ALDH5A1: variants seen among roughly 807,000 people sequenced by gnomAD.
ALDH5A1 encodes aldehyde dehydrogenase 5 family member A1, also known as succinate-semialdehyde dehydrogenase, mitochondrial.
ALDH5A1 carries 33 observed loss-of-function variants against 54.7 expected under a neutral mutation model. That is an observed-to-expected ratio of 0.60 (90% CI 0.46 to 0.81). The LOEUF (loss-of-function observed/expected upper bound fraction) is 0.81, where lower values mean the gene tolerates loss of function less well. Among genes scored for constraint, ALDH5A1 ranks in the 30% least tolerant of loss-of-function variants. The probability of loss-of-function intolerance (pLI) is 0.00; values close to 1 mark genes in which losing one functional copy is unlikely to be tolerated. For synonymous variants in ALDH5A1, 294 were observed against 292.7 expected (o/e 1.00, Z -0.05); for missense variants, 657 against 711.0 (o/e 0.92, Z 0.86).
At position 24,536,158 on chromosome 6, in the gene ALDH5A1, T is replaced by A. The variant is rs906134260; in HGVS notation, c.*2446T>A. On this transcript the variant is annotated 3_prime_UTR_variant, in exon 10 of 10. Transcript: ENST00000357578. ...TATGTAACGGGATTTTAAAAATATA[T>A]ACATTTTACAACATGGACTAGAAAA... The A allele has an allele frequency of 4.6e-5, 7 of 152,222 alleles. No homozygotes were observed. The highest frequency in any genetic ancestry group is 1.7e-4 in the African/African-American group (7 of 41,450). The allele number at this position is 152,222 out of a possible 1,614,324, so 9.4% of individuals were successfully genotyped here.
At chr6:24,515,653 C>T (rs976389754) in intron 5 of ALDH5A1, among the ~76,000 whole-genome samples, 1 of 152,110 alleles carries the variant, frequency 6.6e-6, no homozygotes, top group Non-Finnish European at 1.5e-5. Context: ...ACCCGGGAGG[C>T]GAAGGTTGCA....
At chr6:24,497,079 T>C (rs1223815914) in intron 1 of ALDH5A1, among the ~76,000 whole-genome samples, 1 of 152,176 alleles carries the variant, frequency 6.6e-6, no homozygotes, top group Non-Finnish European at 1.5e-5. Flanking sequence ...GTTACAGCTC[T>C]TAAAGATGGC....
Position 24,533,752 on chromosome 6 carries a change from T to C in ALDH5A1, c.*40T>C, listed in dbSNP as rs146793715. The C allele has an allele frequency of 2.1e-4, 327 of 1,557,896 alleles. 1 individual carries two copies. The African/African-American group carries it at 3.9e-3, about 18-fold the overall frequency. ...TTAAAAAAATTTAAAAGGAGACTTA[T>C]CTACATATATAGGTACATGCCATCC... On this transcript the variant is annotated 3_prime_UTR_variant, in exon 10 of 10. Transcript: ENST00000357578.
At chr6:24,508,582 A>G (rs1475206188) in intron 4 of ALDH5A1, among the ~76,000 whole-genome samples, 1 of 152,048 alleles carries the variant, frequency 6.6e-6, no homozygotes, top group Non-Finnish European at 1.5e-5. Context: ...ATAAACGTGC[A>G]TGTGCAAGTA....
chr6:24,500,647 A>AAATAATAATAATAAT (rs35094488), intron 1 of ALDH5A1, among the ~76,000 whole-genome samples: 178 of 144,160 alleles, frequency 1.2e-3, no homozygotes, highest in East Asian at 9.2e-3. Context: ...ACCGTATCTA[A>AAATAATAATAATAAT]AATAATAATA....
chr6:24,533,709 G>A lies in ALDH5A1; in HGVS notation c.1605G>A (p.Leu535=), dbSNP rs1759984510. The change falls in exon 10 of 10, where the codon TTG becomes TTA. Residue 535 remains leucine (L), a synonymous_variant. Transcript: ENST00000357578. ...LELKYVCYGG[L] ...TCAAGTATGTGTGTTACGGGGGCTTGTAGGATTCTTTGGTTCTTTAAAAAA... is the reference window on the plus strand; with the variant it reads ...TCAAGTATGTGTGTTACGGGGGCTTATAGGATTCTTTGGTTCTTTAAAAAA... 3 of 1,613,856 alleles carry A rather than the reference G, an allele frequency of 1.9e-6. No homozygotes were observed. The Admixed American group carries it at 5.0e-5, about 27-fold the overall frequency.
chr6:24,533,388 A>G, intron 9 of ALDH5A1, 119 bp from the exon 10 acceptor site: 1 of 1,009,176 alleles, frequency 9.9e-7, no homozygotes, highest in Non-Finnish European at 1.5e-6. Context: ...ATCTGGGAGC[A>G]GGGAAGACTC....
At chr6:24,504,256 C>T (rs1254207371) in intron 3 of ALDH5A1, among the ~76,000 whole-genome samples, 10 of 152,022 alleles carry the variant, frequency 6.6e-5, no homozygotes, top group African/African-American at 1.9e-4. Flanking sequence ...TTTTGAAGTA[C>T]TTAGAAAAAT....
chr6:24,498,828 G>A (rs75564983), intron 1 of ALDH5A1, among the ~76,000 whole-genome samples: 3,166 of 152,266 alleles, frequency 0.021, 100 homozygotes, highest in African/African-American at 0.07. Context: ...GCCAGACACG[G>A]TGGCTCACAC....
chr6:24,500,320 G>T (rs767382892), intron 1 of ALDH5A1, among the ~76,000 whole-genome samples: 4 of 152,112 alleles, frequency 2.6e-5, no homozygotes, highest in Non-Finnish European at 5.9e-5. Context: ...GCATGCCCCA[G>T]TCCATATGTC....
chr6:24,495,159 T>C lies in ALDH5A1; in HGVS notation c.163T>C (p.Ser55Pro). The change falls in exon 1 of 10, where the codon TCT becomes CCT. Residue 55 changes from serine to proline, a missense_variant. Around this residue, in one of 2 missense-constraint regions of ALDH5A1, gnomAD observed 232 missense variants for 194.6 expected, o/e 1.19. Coordinates refer to ENST00000357578, the MANE Select transcript of ALDH5A1 (RefSeq NM_001080.3). ...CTACGCTGGGCGCCTGGCGGGCCTC[T>C]CTGCGGCGCTGCTGCGCACCGACAG... ...RCYAGRLAGL[S>P]AALLRTDSFV... 2 of 1,450,658 alleles carry C rather than the reference T, an allele frequency of 1.4e-6. No individual in the cohort carries two copies. Among genetic ancestry groups the C allele is most frequent in the Non-Finnish European group, 1.8e-6 (2 of 1,108,436 alleles). The allele number at this position is 1,450,658 out of a possible 1,614,324, so 89.9% of individuals were successfully genotyped here.
chr6:24,505,127 ATTACT>A (rs1395915644), intron 4 of ALDH5A1, 142 bp downstream of exon 4: 15 of 868,220 alleles, frequency 1.7e-5, no homozygotes, highest in Admixed American at 1.3e-4. Context: ...TCTACTGGTG[ATTACT>A]TTAAGTCAGC....
chr6:24,503,149 G>A (rs1407665188), intron 2 of ALDH5A1, 114 bp from the exon 3 acceptor site: 1 of 1,304,472 alleles, frequency 7.7e-7, no homozygotes. Context: ...CACTCTATGG[G>A]TATCGTTATA....
At chr6:24,531,130 A>T (rs1348473437) in intron 8 of ALDH5A1, among the ~76,000 whole-genome samples, 1 of 152,178 alleles carries the variant, frequency 6.6e-6, no homozygotes, top group African/African-American at 2.4e-5. Flanking sequence ...GACAGCTGGC[A>T]GCTGGTGCTA....
chr6:24,526,614 T>C (rs999556759), intron 7 of ALDH5A1, among the ~76,000 whole-genome samples: 2 of 150,820 alleles, frequency 1.3e-5, no homozygotes, highest in African/African-American at 4.9e-5. Flanking sequence ...AGGCAAAAAA[T>C]ATAATAGAAA....
chr6:24,495,096 G>A lies in ALDH5A1; in HGVS notation c.100G>A (p.Ala34Thr), dbSNP rs975543325. The change falls in exon 1 of 10, where the codon GCC becomes ACC. Residue 34 changes from alanine (A) to threonine (T), a missense_variant. Physicochemically the swap from Ala to Thr is moderately conservative, Grantham distance 58. Transcript: ENST00000357578. ...CCCCCGCGCCGGCGGCCTGGTCCCT[G>A]CCTCCGGGCCTGCGCCCGGCCCGGC... Reference protein sequence around the residue: ...LRPRAGGLVPASGPAPGPAQL... With the variant: ...LRPRAGGLVPTSGPAPGPAQL... 1.5e-6 allele frequency: 2 copies of A among 1,309,886 alleles called. No homozygotes were observed. The highest frequency in any genetic ancestry group is 3.1e-5 in the African/African-American group (2 of 64,844). 81.1% of individuals were successfully genotyped at this position (1,309,886 alleles called of 1,614,324 possible). A position where few individuals can be genotyped will look rare whatever the true frequency, so the allele number is the denominator to read the frequency against.
chr6:24,498,776 C>T (rs921507153), intron 1 of ALDH5A1, among the ~76,000 whole-genome samples: 9 of 152,096 alleles, frequency 5.9e-5, no homozygotes, highest in African/African-American at 2.2e-4. Context: ...CCAGCCTGTC[C>T]AACATGGTGA....
intron 4 of ALDH5A1, among the ~76,000 whole-genome samples, chr6:24,505,370 G>A (rs947250295): frequency 2.6e-5 from 4 of 152,230 alleles, no homozygotes; most frequent in Middle Eastern, 3.4e-3. Context: ...GTGGCCTCTT[G>A]TGTCACTCAC....
At chr6:24,515,098 TTTTC>T (rs1425303879) in intron 4 of ALDH5A1, 65 bp from the exon 5 acceptor site, 7 of 1,508,958 alleles carry the variant, frequency 4.6e-6, no homozygotes, top group African/African-American at 4.4e-5. Context: ...TTTATTTCTC[TTTTC>T]TTTTTTTTTT....
Sources: allele counts gnomAD v4.1 joint callset (sites outside exome capture counted in the v4.1 genomes callset), GRCh38; gene constraint gnomAD v4.1.1; regional missense constraint gnomAD v4.1.1; transcripts MANE v1.5; gene names NCBI Gene and HGNC (gene_info 2026-07-23, HGNC 2026-07-21).